The following C1GALT1 variants were observed in gnomAD, a reference collection of about 807,000 sequenced individuals.
C1GALT1 encodes the protein core 1 synthase, glycoprotein-N-acetylgalactosamine 3-beta-galactosyltransferase 1.
A neutral mutation model predicts 31.0 loss-of-function variants in C1GALT1; 11 were observed. The observed-to-expected ratio is 0.36, with a 90% CI of 0.22 to 0.59. The LOEUF (loss-of-function observed/expected upper bound fraction) is 0.59. C1GALT1 is among the 20% of genes least tolerant of loss of function. The probability of loss-of-function intolerance (pLI) is 0.79; values close to 1 mark genes in which losing one functional copy is unlikely to be tolerated. For synonymous variants in C1GALT1, 175 were observed against 143.6 expected, an observed-to-expected ratio of 1.22 and a Z score of -1.56; for missense variants, 424 against 425.2, an observed-to-expected ratio of 1.00 and a Z score of 0.03.
chr7:7,210,987 C>G, intron 1 of C1GALT1, among the ~76,000 whole-genome samples: 1 of 152,280 alleles, frequency 6.6e-6, no homozygotes, highest in Non-Finnish European at 1.5e-5. Flanking sequence ...AGATGCCACA[C>G]TAACTGCTGT....
intron 1 of C1GALT1, among the ~76,000 whole-genome samples, chr7:7,191,754 T>G (rs532543925): frequency 6.6e-6 from 1 of 152,268 alleles, no homozygotes; most frequent in South Asian, 2.1e-4. Context: ...TTCATCTGTT[T>G]ATTGGCCATT....
intron 1 of C1GALT1, among the ~76,000 whole-genome samples, chr7:7,188,923 C>G (rs1043917120): frequency 1.3e-5 from 2 of 152,076 alleles, no homozygotes; most frequent in Admixed American, 6.5e-5. Flanking sequence ...CATTACCCAA[C>G]GATACGAAAG....
In C1GALT1 at chr7:7,216,060, C is replaced by T. The variant is rs536301904; in HGVS notation, c.-17-18243C>T. 5.9e-5 allele frequency among the ~76,000 whole-genome samples: 9 copies of T among 152,100 alleles called. No individual in the cohort carries two copies. The South Asian group carries it at 1.7e-3, about 28-fold the overall frequency. ...TAAAAGATCTGAGTTGATCTTACAA[C>T]GCTTGCAGAGGTTTATTAGAAATGC... On this transcript the variant is annotated intron_variant, in intron 1 of 3. Coordinates refer to ENST00000436587, the MANE Select transcript of C1GALT1 (RefSeq NM_020156.5).
chr7:7,216,368 C>T (rs1167934865), intron 1 of C1GALT1, among the ~76,000 whole-genome samples: 1 of 152,098 alleles, frequency 6.6e-6, no homozygotes, highest in African/African-American at 2.4e-5. Flanking sequence ...CATGGTCCTC[C>T]AAGCTGTGGA....
rs938724360 is a variant in C1GALT1 at position 7,182,666 on chromosome 7, C to A, written c.-172C>A. ...GCCTTGGCCGCCGCCGCTGTGCTGC[C>A]GCTGCCGGGGAATAATCTGGGCGGC... On this transcript the variant is annotated 5_prime_UTR_variant, in exon 1 of 4. Coordinates refer to ENST00000436587, the MANE Select transcript of C1GALT1 (RefSeq NM_020156.5). The A allele has an allele frequency of 1.0e-5, 4 of 398,662 alleles. No individual in the cohort carries two copies. The highest frequency in any genetic ancestry group is 1.4e-5 in the Non-Finnish European group (4 of 293,602). The allele number at this position is 398,662 out of a possible 1,614,324, so 24.7% of individuals were successfully genotyped here.
intron 1 of C1GALT1, among the ~76,000 whole-genome samples, chr7:7,198,547 A>C (rs1159894819): frequency 6.6e-6 from 1 of 152,218 alleles, no homozygotes; most frequent in East Asian, 1.9e-4. Context: ...TGCTGGCCTC[A>C]TAAAATGAGT....
At chr7:7,182,879 T>TC (rs1780645821) in intron 1 of C1GALT1, 59 bp downstream of exon 1, 7 of 976,400 alleles carry the variant, frequency 7.2e-6, no homozygotes, top group Non-Finnish European at 8.5e-6. Context: ...CCCCTCGCCC[T>TC]CCCCCCTCTC....
chr7:7,227,041 A>G (rs900983635), intron 1 of C1GALT1, among the ~76,000 whole-genome samples: 3 of 151,764 alleles, frequency 2.0e-5, no homozygotes, highest in Non-Finnish European at 4.4e-5. Flanking sequence ...GAGCCCTCCA[A>G]CTCCTTTCTG....
Position 7,234,291 on chromosome 7 carries a change from T to C in C1GALT1, c.-17-12T>C, listed in dbSNP as rs1221718057. 1.3e-6 allele frequency: 2 copies of C among 1,588,344 alleles called. No homozygotes were observed. Among genetic ancestry groups the C allele is most frequent in the Non-Finnish European group, 1.7e-6 (2 of 1,159,136 alleles). On this transcript the variant is annotated splice_polypyrimidine_tract_variant and intron_variant, in intron 1 of 3. Transcript: ENST00000436587. The stretch of plus-strand genomic sequence containing the variant: ...TGATTTTATAACATCCTGCTAATTT[T>C]TGTTCTTACAGAAATACACTTTCGG...
chr7:7,215,457 G>C (rs908183658), intron 1 of C1GALT1, among the ~76,000 whole-genome samples: 2 of 140,730 alleles, frequency 1.4e-5, no homozygotes, highest in African/African-American at 5.8e-5. Context: ...AGCATATCAG[G>C]CTTCTGGGTT....
upstream of C1GALT1, among the ~76,000 whole-genome samples, chr7:7,181,939 C>A (rs1230630596): frequency 6.6e-6 from 1 of 152,132 alleles, no homozygotes; most frequent in African/African-American, 2.4e-5. Context: ...TTTGTTACGC[C>A]CCTAAGAAGC....
chr7:7,230,241 G>A (rs913654980), intron 1 of C1GALT1, among the ~76,000 whole-genome samples: 8 of 152,100 alleles, frequency 5.3e-5, no homozygotes, highest in African/African-American at 1.7e-4. Flanking sequence ...ACATGAATGG[G>A]TTTTTGTATA....
At chr7:7,240,924 G>A (rs886629096) in intron 3 of C1GALT1, among the ~76,000 whole-genome samples, 6 of 151,450 alleles carry the variant, frequency 4.0e-5, no homozygotes, top group African/African-American at 1.5e-4. Flanking sequence ...TTTTTATCTA[G>A]CAAGTCAGGG....
chr7:7,196,862 C>A (rs1485591409), intron 1 of C1GALT1, among the ~76,000 whole-genome samples: 1 of 152,270 alleles, frequency 6.6e-6, no homozygotes, highest in South Asian at 2.1e-4. Context: ...TAAATGTCTT[C>A]TTTTGAGAAG....
rs1326592775 is a variant in C1GALT1, at chr7:7,238,406, A to C, written c.372A>C (p.Glu124Asp). The C allele has an allele frequency of 5.0e-6, 8 of 1,613,996 alleles. No homozygotes were observed. Among genetic ancestry groups the C allele is most frequent in the Non-Finnish European group, 6.8e-6 (8 of 1,179,994 alleles). Residue 124 changes from glutamate to aspartate, a missense_variant, in exon 3 of 4, where the codon GAA (glutamate) becomes GAC (aspartate). Coordinates refer to ENST00000436587, the MANE Select transcript of C1GALT1 (RefSeq NM_020156.5). The surrounding 1 kb of genome is among the most constrained non-coding windows in gnomAD (Gnocchi z 5.2). Reference sequence around the variant, plus strand: ...ACAAAGTGTTGTTTATGAGTTCAGAAGAAAATAAAGACTTCCCTGCTGTGG... The same window carrying C: ...ACAAAGTGTTGTTTATGAGTTCAGACGAAAATAAAGACTTCCCTGCTGTGG... ...RCNKVLFMSSEENKDFPAVGL... is the reference protein window; with the variant it reads ...RCNKVLFMSSDENKDFPAVGL...
chr7:7,244,415 T>A lies in C1GALT1; in HGVS notation c.*688T>A, dbSNP rs1783763641. 6.6e-6 allele frequency: 1 copy of A among 152,194 alleles called. No homozygotes were observed. Among genetic ancestry groups the A allele is most frequent in the South Asian group, 2.1e-4 (1 of 4,838 alleles). 9.4% of individuals were successfully genotyped at this position (152,194 alleles called of 1,614,324 possible). A position where few individuals can be genotyped will look rare whatever the true frequency, so the allele number is the denominator to read the frequency against. ...GTCATCTTTTACGCAATCTCTGTTGTCTCTTTTCTAAATGTGTTTAGCCAC... is the reference window on the plus strand; with the variant it reads ...GTCATCTTTTACGCAATCTCTGTTGACTCTTTTCTAAATGTGTTTAGCCAC... On this transcript the variant is annotated 3_prime_UTR_variant, in exon 4 of 4. Transcript: ENST00000436587.
intron 1 of C1GALT1, among the ~76,000 whole-genome samples, chr7:7,231,187 C>G (rs746844196): frequency 6.6e-6 from 1 of 152,114 alleles, no homozygotes; most frequent in Non-Finnish European, 1.5e-5. Context: ...TCACTGCAGT[C>G]TTGATTCTGT....
intron 1 of C1GALT1, among the ~76,000 whole-genome samples, chr7:7,195,966 C>T (rs1206429161): frequency 2.0e-5 from 3 of 152,080 alleles, no homozygotes; most frequent in East Asian, 1.9e-4. Flanking sequence ...AAGTCTGTTT[C>T]GTCTGAAACA....
chr7:7,228,303 T>G (rs1265301632), intron 1 of C1GALT1, among the ~76,000 whole-genome samples: 1 of 152,200 alleles, frequency 6.6e-6, no homozygotes, highest in African/African-American at 2.4e-5. Context: ...TAAATTTTAG[T>G]TGTCCCGGGA....
Sources: gnomAD v4.1 joint callset for allele counts (sites outside exome capture counted in the v4.1 genomes callset) on GRCh38, gnomAD v4.1.1 for gene constraint, Gnocchi (gnomAD v3.1) non-coding constraint, MANE v1.5 for transcripts, NCBI Gene and HGNC (gene_info 2026-07-23, HGNC 2026-07-21) for gene names.